The following WDR38 variants were observed in gnomAD, a reference collection of about 807,000 sequenced individuals.
WDR38 encodes WD repeat domain 38.
In WDR38, 37 loss-of-function variants were observed where a neutral mutation model predicts 36.6. The observed-to-expected ratio is 1.01, with a 90% CI of 0.78 to 1.33. The LOEUF (loss-of-function observed/expected upper bound fraction) is 1.33, where lower values mean the gene tolerates loss of function less well. Among genes scored for constraint, WDR38 ranks in the 40% most tolerant of loss-of-function variants. The pLI is 0.00. For missense variants in WDR38, 411 were observed against 414.6 expected (o/e 0.99, Z 0.07); for synonymous variants, 164 against 168.1 (o/e 0.98, Z 0.19).
At chr9:124,856,406 T>G (rs1829067398) in intron 5 of WDR38, 63 bp from the exon 6 acceptor site, 6 of 1,612,474 alleles carry the variant, frequency 3.7e-6, no homozygotes, top group Middle Eastern at 1.7e-4. Flanking sequence ...GGACTCTGGG[T>G]CCCGCCTAGA....
chr9:124,854,922 A>C (rs1300263614), intron 2 of WDR38, among the ~76,000 whole-genome samples: 1 of 152,168 alleles, frequency 6.6e-6, no homozygotes, highest in Non-Finnish European at 1.5e-5. Context: ...CATTGTCGTG[A>C]CACCAATCTC....
At chr9:124,857,340 T>G (rs768326005) in intron 7 of WDR38, 24 bp from the exon 8 acceptor site, 1 of 1,492,276 alleles carries the variant, frequency 6.7e-7, no homozygotes, top group Non-Finnish European at 8.9e-7. Flanking sequence ...TGAGGCTTCC[T>G]GACATGCCCC....
chr9:124,856,045 C>T, intron 4 of WDR38, 87 bp downstream of exon 4: 1 of 1,570,262 alleles, frequency 6.4e-7, no homozygotes, highest in South Asian at 1.2e-5. Context: ...CCAGCTCAAA[C>T]CCTCCACTGG....
intron 7 of WDR38, 112 bp downstream of exon 7, chr9:124,856,993 G>A: frequency 6.7e-7 from 1 of 1,483,442 alleles, no homozygotes; most frequent in Non-Finnish European, 9.2e-7. Flanking sequence ...CTAGGAGGGG[G>A]CAAGGGCAGG....
Position 124,855,677 on chromosome 9 carries a change from CGCCA to C in WDR38, c.237_240del (p.Ser80ProfsTer21). ...GCTTCTCCCCTGATGGCCACCTCTT[CGCCA>C]GCGCCTCCTGTGACTGCACTGTCCG... On this transcript the variant is annotated frameshift_variant, in exon 3 of 9. Transcript: ENST00000373574. LOFTEE classifies it high-confidence loss of function. 6.2e-7 allele frequency: 1 copy of C among 1,612,906 alleles called. No homozygotes were observed. The highest frequency in any genetic ancestry group is 8.5e-7 in the Non-Finnish European group (1 of 1,180,046).
chr9:124,856,936 G>A (rs1829091431), intron 7 of WDR38, 55 bp downstream of exon 7: 3 of 1,606,636 alleles, frequency 1.9e-6, no homozygotes, highest in Admixed American at 3.3e-5. Context: ...CCCACCAGGA[G>A]CCCTCAGCAC....
chr9:124,855,030 G>C (rs1255334677), intron 2 of WDR38, among the ~76,000 whole-genome samples: 1 of 151,966 alleles, frequency 6.6e-6, no homozygotes, highest in African/African-American at 2.4e-5. Flanking sequence ...TTTTCTTTTT[G>C]TCTCGATGAA....
chr9:124,856,011 G>C, intron 4 of WDR38, 53 bp downstream of exon 4: 1 of 1,608,888 alleles, frequency 6.2e-7, no homozygotes, highest in Admixed American at 1.7e-5. Context: ...CAGTTCCAGA[G>C]AGGATGTCAC....
At position 124,853,583 on chromosome 9, in the gene WDR38, G is replaced by A; in HGVS notation, c.52G>A (p.Gly18Ser). ...TLAVRRVKFF[G>S]QHGGEVNSSA... Reference sequence around the variant, plus strand: ...GGCCGTGCGGAGAGTGAAATTCTTCGGCCAGCACGGCGGGGAGGTGAGGTC... The same window carrying A: ...GGCCGTGCGGAGAGTGAAATTCTTCAGCCAGCACGGCGGGGAGGTGAGGTC... Residue 18 changes from glycine to serine, a missense_variant, in exon 1 of 9, where the codon GGC becomes AGC. Coordinates refer to ENST00000373574, the MANE Select transcript of WDR38 (RefSeq NM_001045476.3). 1 of 1,270,588 alleles carries A rather than the reference G, an allele frequency of 7.9e-7. No homozygotes were observed. The highest frequency in any genetic ancestry group is 1.0e-6 in the Non-Finnish European group (1 of 1,001,052). The allele number at this position is 1,270,588 out of a possible 1,614,324, so 78.7% of individuals were successfully genotyped here. A position where few individuals can be genotyped will look rare whatever the true frequency, so the allele number is the denominator to read the frequency against.
At chr9:124,855,211 C>T (rs1564304442) in intron 2 of WDR38, among the ~76,000 whole-genome samples, 1 of 151,964 alleles carries the variant, frequency 6.6e-6, no homozygotes, top group Non-Finnish European at 1.5e-5. Flanking sequence ...TCCACTGGCA[C>T]GATGCAAGCA....
At position 124,855,704 on chromosome 9, in the gene WDR38, C is replaced by T. The variant is rs773223375; in HGVS notation, c.261C>T (p.Val87=). The change falls in exon 3 of 9, where the codon GTC becomes GTT. Residue 87 remains valine (V), a synonymous_variant. Transcript: ENST00000373574. ...CCAGCGCCTCCTGTGACTGCACTGT[C>T]CGCCTGTGGGATGTGGCAAGAGCGA... is the stretch of plus-strand genomic sequence containing the variant. The part of the protein sequence containing the change: ...LFASASCDCT[V]RLWDVARAKC... 6.8e-6 allele frequency: 11 copies of T among 1,613,294 alleles called. 1 individual carries two copies. The South Asian group carries it at 1.2e-4, about 18-fold the overall frequency.
At position 124,857,407 on chromosome 9, in the gene WDR38, T is replaced by C; in HGVS notation, c.812T>C (p.Leu271Pro). The stretch of plus-strand genomic sequence containing the variant: ...AACACAGGAAAGTGCCTTGAGACCC[T>C]GAAGGTAAGGCACGGCGCTGTGGCA... ...DCNTGKCLET[L>P]KGVLDVAHTC... The change falls in exon 8 of 9, where the codon CTG becomes CCG. Residue 271 changes from leucine to proline, a missense_variant. Leu to Pro is a moderately conservative substitution (Grantham distance 98). Coordinates refer to ENST00000373574, the MANE Select transcript of WDR38 (RefSeq NM_001045476.3). The C allele has an allele frequency of 1.9e-6, 3 of 1,614,174 alleles. No homozygotes were observed. In the East Asian group the frequency reaches 6.7e-5, roughly 36 times the overall value.
chr9:124,854,529 CACAT>C (rs953352477), intron 2 of WDR38, among the ~76,000 whole-genome samples: 27 of 151,532 alleles, frequency 1.8e-4, no homozygotes, highest in Non-Finnish European at 1.2e-4. Flanking sequence ...CACACACACA[CACAT>C]ACATACAAAA....
chr9:124,856,051 A>G, intron 4 of WDR38, 93 bp downstream of exon 4: 4 of 1,560,634 alleles, frequency 2.6e-6, no homozygotes, highest in Non-Finnish European at 3.5e-6. Context: ...CAAACCCTCC[A>G]CTGGTTCCCA....
rs1458831532 is a variant in WDR38 at position 124,856,763 on chromosome 9, T to C, written c.650T>C (p.Ile217Thr). The C allele has an allele frequency of 1.9e-6, 3 of 1,614,200 alleles. No homozygotes were observed. Among genetic ancestry groups the C allele is most frequent in the Admixed American group, 3.3e-5 (2 of 60,028 alleles). ...ASGSWDKTIH[I>T]WKPTTSSLLI... ...GGCTCCTGGGACAAGACCATCCACA[T>C]CTGGAAGCCCACAACCAGCAGCCTG... The change falls in exon 7 of 9, where the codon ATC becomes ACC. Residue 217 changes from isoleucine to threonine, a missense_variant. Physicochemically the swap from Ile to Thr is moderately conservative, Grantham distance 89. Coordinates refer to ENST00000373574, the MANE Select transcript of WDR38 (RefSeq NM_001045476.3).
At position 124,857,565 on chromosome 9, in the gene WDR38, G is replaced by A. The variant is rs776077433; in HGVS notation, c.880G>A (p.Ala294Thr). 5.0e-6 allele frequency: 8 copies of A among 1,613,940 alleles called. No individual in the cohort carries two copies. The highest frequency in any genetic ancestry group is 5.9e-6 in the Non-Finnish European group (7 of 1,180,042). Reference sequence around the variant, plus strand: ...AGATGGGAAAATCTTAGTGTCTGGAGCTGCCGATCAGACTAGACGTCAAAT... The same window carrying A: ...AGATGGGAAAATCTTAGTGTCTGGAACTGCCGATCAGACTAGACGTCAAAT... Reference protein sequence around the residue: ...TPDGKILVSGAADQTRRQISR... With the variant: ...TPDGKILVSGTADQTRRQISR... The change falls in exon 9 of 9, where the codon GCT becomes ACT. Residue 294 changes from alanine (A) to threonine (T), a missense_variant. By Grantham distance (58) the Ala-to-Thr change is moderately conservative (BLOSUM62 0). Coordinates refer to ENST00000373574, the MANE Select transcript of WDR38 (RefSeq NM_001045476.3).
In WDR38 at chr9:124,856,788, G is replaced by A. The variant is rs1829084298; in HGVS notation, c.675G>A (p.Leu225=). The A allele has an allele frequency of 5.6e-6, 9 of 1,614,122 alleles. No individual in the cohort carries two copies. Among genetic ancestry groups the A allele is most frequent in the Admixed American group, 1.7e-5 (1 of 60,004 alleles). ...TCTGGAAGCCCACAACCAGCAGCCT[G>A]CTTATCCAACTGAAGGGCCATGTCA... is the stretch of plus-strand genomic sequence containing the variant. ...IHIWKPTTSS[L]LIQLKGHVTW... Residue 225 remains leucine (L), a synonymous_variant, in exon 7 of 9, where the codon CTG becomes CTA. Transcript: ENST00000373574.
chr9:124,853,697 G>T (rs3814132), intron 1 of WDR38, 97 bp downstream of exon 1: 1 of 958,262 alleles, frequency 1.0e-6, no homozygotes, highest in African/African-American at 1.7e-5. Context: ...TCTGGGCAGT[G>T]GCTCAGGACA....
Position 124,854,280 on chromosome 9 carries a change from G to T in WDR38, c.145G>T (p.Glu49Ter). The T allele has an allele frequency of 6.2e-7, 1 of 1,614,088 alleles. No individual in the cohort carries two copies. ...AGAAGATGGCTGCGTGTATGGCTGGGAGACCCGGAGTGGGCAGCTGCTGTG... is the reference window on the plus strand; with the variant it reads ...AGAAGATGGCTGCGTGTATGGCTGGTAGACCCGGAGTGGGCAGCTGCTGTG... ...GSEDGCVYGW[E>*]TRSGQLLWRL... The change falls in exon 2 of 9, where the codon GAG becomes TAG. Residue 49 changes from glutamate (E) to a stop codon, truncating the protein, a stop_gained. Coordinates refer to ENST00000373574, the MANE Select transcript of WDR38 (RefSeq NM_001045476.3). LOFTEE classifies it high-confidence loss of function.
Sources: allele counts gnomAD v4.1 joint callset (sites outside exome capture counted in the v4.1 genomes callset), GRCh38; gene constraint gnomAD v4.1.1; transcripts MANE v1.5; gene names NCBI Gene and HGNC (gene_info 2026-07-23, HGNC 2026-07-21).